Variants in ATRNL1 observed in about 807,000 individuals in gnomAD.
ATRNL1 encodes the protein attractin like 1.
ATRNL1 carries 95 observed loss-of-function variants against 182.7 expected under a neutral mutation model. The observed-to-expected ratio is 0.52, with a 90% CI of 0.44 to 0.62. The LOEUF (loss-of-function observed/expected upper bound fraction) is 0.62. ATRNL1 is among the 20% of genes least tolerant of loss of function. The pLI is 0.00. For missense variants in ATRNL1, 1,471 were observed against 1,679.5 expected (o/e 0.88, Z 2.17); for synonymous variants, 576 against 568.3 (o/e 1.01, Z -0.19).
At chr10:115,329,057 A>G (rs1304885125) in intron 18 of ATRNL1, among the ~76,000 whole-genome samples, 2 of 151,954 alleles carry the variant, frequency 1.3e-5, no homozygotes, top group Non-Finnish European at 2.9e-5. Flanking sequence ...TTTTTGATGT[A>G]CCAATTTACA....
intron 20 of ATRNL1, among the ~76,000 whole-genome samples, chr10:115,401,597 G>A (rs552618763): frequency 6.6e-6 from 1 of 152,264 alleles, no homozygotes; most frequent in East Asian, 1.9e-4. Context: ...GGACAGAATT[G>A]TGATAAAATC....
intron 24 of ATRNL1, among the ~76,000 whole-genome samples, chr10:115,510,530 A>G (rs1850335272): frequency 6.6e-6 from 1 of 152,042 alleles, no homozygotes; most frequent in Non-Finnish European, 1.5e-5. Context: ...GTTTTTAGCC[A>G]TAAAGTATTT....
chr10:115,567,529 G>A (rs1854140247), intron 26 of ATRNL1, among the ~76,000 whole-genome samples: 1 of 151,996 alleles, frequency 6.6e-6, no homozygotes, highest in East Asian at 1.9e-4. Context: ...GCCAGGGATG[G>A]CATGCATGCT....
chr10:115,301,778 C>T, intron 16 of ATRNL1, 77 bp from the exon 17 acceptor site: 2 of 1,293,408 alleles, frequency 1.5e-6, no homozygotes, highest in Non-Finnish European at 2.0e-6. Context: ...CCCTGAACAG[C>T]AAAGCAAAGA....
chr10:115,111,683 G>T (rs140813595), intron 1 of ATRNL1, among the ~76,000 whole-genome samples: 1 of 152,100 alleles, frequency 6.6e-6, no homozygotes, highest in South Asian at 2.1e-4. Context: ...TTCTCAGTAG[G>T]CCTCACCTCT....
intron 19 of ATRNL1, among the ~76,000 whole-genome samples, chr10:115,381,002 C>T (rs1196473139): frequency 6.6e-6 from 1 of 152,124 alleles, no homozygotes; most frequent in Non-Finnish European, 1.5e-5. Context: ...TACATCTTGA[C>T]CAGCAGTTCA....
At chr10:115,741,860 A>T (rs1409897922) in intron 27 of ATRNL1, among the ~76,000 whole-genome samples, 2 of 152,180 alleles carry the variant, frequency 1.3e-5, no homozygotes, top group Non-Finnish European at 2.9e-5. Context: ...ATCTAGGAAA[A>T]TTGCTACAAA....
intron 27 of ATRNL1, among the ~76,000 whole-genome samples, chr10:115,840,920 T>C (rs1950792217): frequency 6.6e-6 from 1 of 152,112 alleles, no homozygotes; most frequent in African/African-American, 2.4e-5. Flanking sequence ...CTCTCACACT[T>C]AACAGTACCT....
chr10:115,826,633 C>T (rs1950440039), intron 27 of ATRNL1, among the ~76,000 whole-genome samples: 1 of 152,084 alleles, frequency 6.6e-6, no homozygotes, highest in Admixed American at 6.6e-5. Flanking sequence ...GTCACGGACA[C>T]CGGAGAGCGA....
chr10:115,204,560 T>G (rs1018041424), intron 8 of ATRNL1, among the ~76,000 whole-genome samples: 13 of 152,140 alleles, frequency 8.5e-5, no homozygotes, highest in Non-Finnish European at 7.4e-5. Flanking sequence ...ATTATTGTCC[T>G]TCATTCTGTT....
At chr10:115,767,054 T>C (rs190483890) in intron 27 of ATRNL1, among the ~76,000 whole-genome samples, 2 of 152,278 alleles carry the variant, frequency 1.3e-5, no homozygotes, top group Admixed American at 1.3e-4. Flanking sequence ...TTTATGATAA[T>C]TATTATGAAG....
At position 115,281,432 on chromosome 10, in the gene ATRNL1, A is replaced by G. The variant is rs1328235436; in HGVS notation, c.2178A>G (p.Ser726=). 1 of 1,613,574 alleles carries G rather than the reference A, an allele frequency of 6.2e-7. No individual in the cohort carries two copies. Reference sequence around the variant, plus strand: ...AACTTACCAGCTGTAAAAGCTGTTCACTAAACTTGAATTGCCAGTGGGATC... The same window carrying G: ...AACTTACCAGCTGTAAAAGCTGTTCGCTAAACTTGAATTGCCAGTGGGATC... ...CNKLTSCKSC[S]LNLNCQWDQR... is the part of the protein sequence containing the mutation. Residue 726 remains serine (S), a synonymous_variant, in exon 14 of 29, where the codon TCA becomes TCG. Transcript: ENST00000355044.
intron 21 of ATRNL1, among the ~76,000 whole-genome samples, chr10:115,439,460 GATAA>G (rs1483776229): frequency 3.3e-5 from 5 of 151,690 alleles, no homozygotes; most frequent in African/African-American, 1.2e-4. Context: ...CTAGAAAAGA[GATAA>G]ATAAAAATAA....
At chr10:115,321,671 C>CT (rs528619167) in intron 18 of ATRNL1, among the ~76,000 whole-genome samples, 70,112 of 125,760 alleles carry the variant, frequency 0.56, 21,677 homozygotes, top group Non-Finnish European at 0.73. Flanking sequence ...AAGGTGAAAG[C>CT]TTTTTTTTTT....
chr10:115,454,843 C>T (rs1847447398), intron 21 of ATRNL1, among the ~76,000 whole-genome samples: 1 of 151,918 alleles, frequency 6.6e-6, no homozygotes, highest in South Asian at 2.1e-4. Context: ...CATAATATAT[C>T]ATCAGCAAAC....
chr10:115,281,965 A>T (rs1852380718), intron 14 of ATRNL1, among the ~76,000 whole-genome samples: 1 of 147,226 alleles, frequency 6.8e-6, no homozygotes. Context: ...AAATATATAT[A>T]TTATATATTT....
chr10:115,427,709 A>G (rs1845967186), intron 21 of ATRNL1, among the ~76,000 whole-genome samples: 5 of 152,160 alleles, frequency 3.3e-5, no homozygotes, highest in Admixed American at 3.3e-4. Flanking sequence ...ATTTCTGTGC[A>G]CCTTTGCTGA....
chr10:115,489,632 G>T (rs1024671924), intron 24 of ATRNL1, among the ~76,000 whole-genome samples: 10 of 152,146 alleles, frequency 6.6e-5, no homozygotes, highest in Non-Finnish European at 1.2e-4. Flanking sequence ...TTGCACATGA[G>T]ATGGGTCTCC....
intron 8 of ATRNL1, among the ~76,000 whole-genome samples, chr10:115,189,720 A>G (rs1230589390): frequency 2.0e-5 from 3 of 152,120 alleles, no homozygotes; most frequent in Non-Finnish European, 4.4e-5. Context: ...ATAGTGGGCT[A>G]AGGTTAATTT....
Sources: gnomAD v4.1 joint callset for allele counts (sites outside exome capture counted in the v4.1 genomes callset) on GRCh38, gnomAD v4.1.1 for gene constraint, MANE v1.5 for transcripts, NCBI Gene and HGNC (gene_info 2026-07-23, HGNC 2026-07-21) for gene names.